Variants in NEBL observed in about 807,000 individuals in gnomAD.
NEBL encodes nebulette.
In NEBL, 122 loss-of-function variants were observed where a neutral mutation model predicts 140.2. The ratio of observed to expected loss-of-function variants is 0.87; its 90% confidence interval spans 0.75 to 1.01. The LOEUF is 1.01. Ranked by LOEUF, NEBL falls within the 50% of genes least tolerant of loss-of-function variation. NEBL has a pLI of 0.00. For missense variants in NEBL, 1,365 were observed against 1,231.3 expected, an observed-to-expected ratio of 1.11 and a Z score of -1.62; for synonymous variants, 436 against 398.9, an observed-to-expected ratio of 1.09 and a Z score of -1.11.
rs111722267 is a variant in NEBL, at chr10:21,136,674, G to A, written c.164+35709C>T. On this transcript the variant is annotated intron_variant, in intron 2 of 6. Transcript: ENST00000417816. ...CCTTCCTCTATGCTTTCTACCCTAC[G>A]GCTGGACAAAGCTCGCCAAAGCCTA... is the stretch of plus-strand genomic sequence containing the variant. Among the ~76,000 whole-genome samples the A allele has an allele frequency of 4.6e-3, 693 of 152,144 alleles. 13 individuals carry two copies. Among genetic ancestry groups the A allele is most frequent in the African/African-American group, 0.016 (659 of 41,510 alleles).
intron 2 of NEBL, among the ~76,000 whole-genome samples, chr10:21,151,799 A>G (rs2132128506): frequency 6.6e-6 from 1 of 152,272 alleles, no homozygotes; most frequent in East Asian, 1.9e-4. Context: ...ACTTATGCAA[A>G]ATTGCAAACT....
intron 14 of NEBL, among the ~76,000 whole-genome samples, chr10:20,834,620 C>CA (rs1268161936): frequency 1.3e-5 from 2 of 152,198 alleles, no homozygotes; most frequent in African/African-American, 4.8e-5. Flanking sequence ...TTCCTAAGTG[C>CA]AAAGATCACA....
At chr10:21,027,497 T>C (rs1252432276) in intron 2 of NEBL, among the ~76,000 whole-genome samples, 1 of 151,308 alleles carries the variant, frequency 6.6e-6, no homozygotes, top group East Asian at 2.0e-4. Context: ...CAGGCTAATT[T>C]TTGTATTTTT....
At chr10:20,819,752 T>A (rs1375745652) in intron 19 of NEBL, among the ~76,000 whole-genome samples, 2 of 152,106 alleles carry the variant, frequency 1.3e-5, no homozygotes, top group African/African-American at 4.8e-5. Flanking sequence ...TGAGACAAGG[T>A]CTTGCTCCGT....
chr10:20,902,988 C>T (rs1847934505), intron 4 of NEBL, among the ~76,000 whole-genome samples: 1 of 152,146 alleles, frequency 6.6e-6, no homozygotes, highest in Admixed American at 6.5e-5. Context: ...TGAACTACTT[C>T]ACGATTCCAT....
At chr10:21,151,707 C>A (rs1001927300) in intron 2 of NEBL, among the ~76,000 whole-genome samples, 1 of 151,334 alleles carries the variant, frequency 6.6e-6, no homozygotes, top group Non-Finnish European at 1.5e-5. Context: ...TTCCCACACG[C>A]CCCAGGTTCA....
At chr10:21,117,606 C>T (rs1838342797) in intron 2 of NEBL, among the ~76,000 whole-genome samples, 1 of 152,204 alleles carries the variant, frequency 6.6e-6, no homozygotes, top group Non-Finnish European at 1.5e-5. Context: ...GTCTGTGCTG[C>T]TTGCCTAATG....
chr10:20,910,906 G>T (rs1275515957), intron 4 of NEBL, among the ~76,000 whole-genome samples: 1 of 151,034 alleles, frequency 6.6e-6, no homozygotes, highest in African/African-American at 2.4e-5. Context: ...GGTGGTTCAT[G>T]CCTGTAATCC....
chr10:21,217,517 C>T (rs1246800214), intron 3 of NEBL, among the ~76,000 whole-genome samples: 2 of 152,120 alleles, frequency 1.3e-5, no homozygotes, highest in Admixed American at 6.5e-5. Context: ...AATTTGAAAA[C>T]TTTAACATTG....
chr10:21,260,884 T>C lies in NEBL; in HGVS notation n.183-9056A>G, dbSNP rs1057358952. On this transcript the variant is annotated intron_variant and non_coding_transcript_variant, in intron 1 of 8. Transcript: ENST00000675702. ...AGCAACGAACAACAAAATCTTGCAG[T>C]GAAAGTTAAAAACATTAGGGAGTCA... Among the ~76,000 whole-genome samples, 3 of 152,164 alleles carry C rather than the reference T, an allele frequency of 2.0e-5. No individual in the cohort carries two copies. The East Asian group carries it at 5.8e-4, about 29-fold the overall frequency.
chr10:21,204,387 G>A (rs1841792010), intron 3 of NEBL, among the ~76,000 whole-genome samples: 1 of 152,146 alleles, frequency 6.6e-6, no homozygotes, highest in Non-Finnish European at 1.5e-5. Flanking sequence ...GATCCGATAG[G>A]ATTAATGTCA....
chr10:21,269,595 T>C (rs1842837562), intron 1 of NEBL, among the ~76,000 whole-genome samples: 1 of 152,230 alleles, frequency 6.6e-6, no homozygotes, highest in Non-Finnish European at 1.5e-5. Flanking sequence ...GGCTACACCC[T>C]CTTTCATTAT....
intron 2 of NEBL, among the ~76,000 whole-genome samples, chr10:21,155,536 TTC>T (rs1840306457): frequency 6.6e-6 from 1 of 152,196 alleles, no homozygotes; most frequent in Admixed American, 6.5e-5. Flanking sequence ...CATACAGTGT[TTC>T]TCTTTCTGTG....
intron 3 of NEBL, among the ~76,000 whole-genome samples, chr10:20,982,839 A>G (rs1837108069): frequency 1.3e-5 from 2 of 152,280 alleles, no homozygotes; most frequent in South Asian, 4.1e-4. Context: ...ATAATTTCTG[A>G]TATCAGGGCA....
In NEBL at chr10:20,935,817, A is replaced by G. The variant is rs377012262; in HGVS notation, c.357+25855T>C. ...TTTGTGAAATAATAATCTAAGAAGAATTTTTTTCACCTTCAATACATGAGA... is the reference window on the plus strand; with the variant it reads ...TTTGTGAAATAATAATCTAAGAAGAGTTTTTTTCACCTTCAATACATGAGA... On this transcript the variant is annotated intron_variant, in intron 4 of 6. Transcript: ENST00000417816. Among the ~76,000 whole-genome samples, 18 of 152,206 alleles carry G rather than the reference A, an allele frequency of 1.2e-4. No homozygotes were observed. In the East Asian group the frequency reaches 3.5e-3, roughly 29 times the overall value.
intron 3 of NEBL, among the ~76,000 whole-genome samples, chr10:21,205,732 T>C (rs1841815331): frequency 6.6e-6 from 1 of 152,200 alleles, no homozygotes. Context: ...TATTTAGGTA[T>C]ATTTATGATT....
At chr10:20,799,641 G>A (rs1836904486) in intron 26 of NEBL, among the ~76,000 whole-genome samples, 1 of 152,180 alleles carries the variant, frequency 6.6e-6, no homozygotes, top group South Asian at 2.1e-4. Flanking sequence ...TTCTCTTGCT[G>A]AATGCACATT....
chr10:20,815,876 C>T (rs1323884450), intron 21 of NEBL, 159 bp from the exon 22 acceptor site: 3 of 641,422 alleles, frequency 4.7e-6, no homozygotes, highest in African/African-American at 1.8e-5. Context: ...TCAGGCAATC[C>T]TCCCACCTCA....
Position 21,173,800 on chromosome 10 carries a change from C to A in NEBL, c.34G>T (p.Val12Leu). The stretch of plus-strand genomic sequence containing the variant: ...CAGTTGACTTTCTCGGTGGGATACA[C>A]GACTTTTCCGCAACGGGCGCACTGG... The change falls in exon 1 of 7, where the codon GTG (valine) becomes TTG (leucine). Residue 12 changes from valine to leucine, a missense_variant. Coordinates refer to the NEBL transcript ENST00000417816. This position sits in a 1 kb window ranked among gnomAD's most constrained non-coding sequence, Gnocchi z 5.7. The A allele has an allele frequency of 6.2e-7, 1 of 1,612,826 alleles. No homozygotes were observed. Among genetic ancestry groups the A allele is most frequent in the Non-Finnish European group, 8.5e-7 (1 of 1,179,780 alleles).
Sources: allele counts gnomAD v4.1 joint callset (sites outside exome capture counted in the v4.1 genomes callset), GRCh38; gene constraint gnomAD v4.1.1; non-coding constraint Gnocchi (gnomAD v3.1); transcripts MANE v1.5; gene names NCBI Gene and HGNC (gene_info 2026-07-23, HGNC 2026-07-21).